PPARA: variants seen among roughly 807,000 people sequenced by gnomAD.
PPARA encodes the protein peroxisome proliferator-activated receptor alpha.
In PPARA, 22 loss-of-function variants were observed where a neutral mutation model predicts 42.2. The ratio of observed to expected loss-of-function variants is 0.52; its 90% CI spans 0.37 to 0.74. The LOEUF (loss-of-function observed/expected upper bound fraction) is 0.74. Among genes scored for constraint, PPARA ranks in the 30% least tolerant of loss-of-function variants. PPARA has a pLI of 0.00. For missense variants in PPARA, 465 were observed against 608.2 expected (o/e 0.76, Z 2.48); for synonymous variants, 242 against 239.3 (o/e 1.01, Z -0.10).
chr22:46,186,329 C>T (rs2147296651), intron 3 of PPARA, among the ~76,000 whole-genome samples: 1 of 152,208 alleles, frequency 6.6e-6, no homozygotes, highest in East Asian at 1.9e-4. Context: ...TCTGCCCTTT[C>T]TGGTTCAGCT....
intron 1 of PPARA, among the ~76,000 whole-genome samples, chr22:46,151,395 G>C (rs991481519): frequency 6.6e-6 from 1 of 152,234 alleles, no homozygotes; most frequent in African/African-American, 2.4e-5. Flanking sequence ...CCGGAGTCCC[G>C]GGCTGCGCGG....
At position 46,173,338 on chromosome 22, in the gene PPARA, A is replaced by G. The variant is rs1420721017; in HGVS notation, c.-126-3415A>G. ...GCCTTGGACACATTTCCAGTTGGCA[A>G]GCTGGCAAAATGAAGGGCGTACAAG... On this transcript the variant is annotated intron_variant, in intron 2 of 8. Coordinates refer to ENST00000407236, the MANE Select transcript of PPARA (RefSeq NM_005036.6). The surrounding 1 kb of genome is among the most constrained non-coding windows in gnomAD (Gnocchi z 4.3). 6.6e-6 allele frequency among the ~76,000 whole-genome samples: 1 copy of G among 152,222 alleles called. No individual in the cohort carries two copies. Among genetic ancestry groups the G allele is most frequent in the Non-Finnish European group, 1.5e-5 (1 of 68,042 alleles).
rs897575017 is a variant in PPARA, at chr22:46,240,813, C to G, written c.*5433C>G. On this transcript the variant is annotated 3_prime_UTR_variant, in exon 9 of 9. Transcript: ENST00000407236. This position sits in a 1 kb window ranked among gnomAD's most constrained non-coding sequence, Gnocchi z 6.0. ...GACTTGTTTAGCTGCACTGGAATTT[C>G]TTACCAACCAAATATTTGCATCGAG... The G allele has an allele frequency of 1.3e-5, 2 of 152,276 alleles. No individual in the cohort carries two copies. Among genetic ancestry groups the G allele is most frequent in the Non-Finnish European group, 2.9e-5 (2 of 68,072 alleles). 9.4% of individuals were successfully genotyped at this position (152,276 alleles called of 1,614,324 possible). A position where few individuals can be genotyped will look rare whatever the true frequency, so the allele number is the denominator to read the frequency against.
In PPARA at chr22:46,190,551, G is replaced by A. The variant is rs1200218280; in HGVS notation, c.-42-7791G>A. 1.3e-5 allele frequency among the ~76,000 whole-genome samples: 2 copies of A among 152,114 alleles called. No individual in the cohort carries two copies. The highest frequency in any genetic ancestry group is 2.9e-5 in the Non-Finnish European group (2 of 68,022). On this transcript the variant is annotated intron_variant, in intron 3 of 8. Coordinates refer to ENST00000407236, the MANE Select transcript of PPARA (RefSeq NM_005036.6). This position sits in a 1 kb window ranked among gnomAD's most constrained non-coding sequence, Gnocchi z 5.6. ...GTGGATCGCTTGAGCCCAGGAGTTC[G>A]AGACCAGGCTGGGCAACATAGTGAA...
At chr22:46,228,857 C>T (rs1367725218) in intron 7 of PPARA, among the ~76,000 whole-genome samples, 1 of 152,100 alleles carries the variant, frequency 6.6e-6, no homozygotes, top group Admixed American at 6.5e-5. Context: ...GTAATCCCAG[C>T]ACTTTGGGAG....
rs1393318745 is a variant in PPARA at position 46,185,910 on chromosome 22, A to T, written c.-43+9074A>T. On this transcript the variant is annotated intron_variant, in intron 3 of 8. Transcript: ENST00000407236. The stretch of plus-strand genomic sequence containing the variant: ...ACTCCGTCTCCAAAAAAAAAAAAAA[A>T]AAAAAAATATATATATATATATATA... Among the ~76,000 whole-genome samples the T allele has an allele frequency of 6.0e-5, 4 of 66,366 alleles. 1 individual carries two copies. The highest frequency in any genetic ancestry group is 5.2e-4 in the East Asian group (1 of 1,920). The allele number at this position is 66,366 out of a possible 152,430, so 43.5% of individuals were successfully genotyped here. A position where few individuals can be genotyped will look rare whatever the true frequency, so the allele number is the denominator to read the frequency against.
chr22:46,201,125 A>C (rs1932814013), intron 4 of PPARA, among the ~76,000 whole-genome samples: 1 of 123,552 alleles, frequency 8.1e-6, no homozygotes, highest in African/African-American at 4.0e-5. Context: ...ATTCCGTCTC[A>C]AAAAAAAAAA....
At chr22:46,210,457 T>C (rs1933818081) in intron 4 of PPARA, among the ~76,000 whole-genome samples, 1 of 152,086 alleles carries the variant, frequency 6.6e-6, no homozygotes, top group African/African-American at 2.4e-5. Flanking sequence ...TCTTTTTTTT[T>C]TTGGAGATGG....
In PPARA at chr22:46,161,785, C is replaced by G. The variant is rs987547809; in HGVS notation, c.-127+9815C>G. On this transcript the variant is annotated intron_variant, in intron 2 of 8. Transcript: ENST00000407236. The surrounding 1 kb of genome is among the most constrained non-coding windows in gnomAD (Gnocchi z 4.8). ...TTTCCGACTGTGTGTGTGCGACTTC[C>G]TCAGAGCCCTCAGTGGCGTTCCCTT... 3.3e-5 allele frequency among the ~76,000 whole-genome samples: 5 copies of G among 152,148 alleles called. No homozygotes were observed. Among genetic ancestry groups the G allele is most frequent in the African/African-American group, 1.2e-4 (5 of 41,432 alleles).
At chr22:46,172,922 T>C (rs916506785) in intron 2 of PPARA, among the ~76,000 whole-genome samples, 2 of 152,216 alleles carry the variant, frequency 1.3e-5, no homozygotes, top group African/African-American at 4.8e-5. Context: ...TGGGGTCTTA[T>C]GAATAAACCC....
At chr22:46,215,832 G>A (rs182162002) in intron 5 of PPARA, among the ~76,000 whole-genome samples, 23 of 152,246 alleles carry the variant, frequency 1.5e-4, no homozygotes, top group East Asian at 1.2e-3. Context: ...CCCTGAGAGC[G>A]TAAGCCCTGT....
chr22:46,194,665 A>G (rs1374818923), intron 3 of PPARA, among the ~76,000 whole-genome samples: 1 of 143,632 alleles, frequency 7.0e-6, no homozygotes, highest in Non-Finnish European at 1.5e-5. Flanking sequence ...TCTACCTCCC[A>G]GGTTCAAGCG....
chr22:46,243,180 A>T lies in PPARA; in HGVS notation c.*7800A>T, dbSNP rs1025341903. 2.0e-5 allele frequency: 3 copies of T among 152,244 alleles called. No individual in the cohort carries two copies. The highest frequency in any genetic ancestry group is 2.9e-5 in the Non-Finnish European group (2 of 68,030). The allele number at this position is 152,244 out of a possible 1,614,324, so 9.4% of individuals were successfully genotyped here. ...AAACTTCTTGGTGCATATTGGTTAC[A>T]CCCTCTGGGATTCATAATGCCATTA... On this transcript the variant is annotated 3_prime_UTR_variant, in exon 9 of 9. Coordinates refer to ENST00000407236, the MANE Select transcript of PPARA (RefSeq NM_005036.6). The surrounding 1 kb of genome is among the most constrained non-coding windows in gnomAD (Gnocchi z 5.0).
Position 46,231,901 on chromosome 22 carries a change from A to T in PPARA, c.821A>T (p.His274Leu). ...AAGGAGGCGGAGGTCCGCATCTTTCACTGCTGCCAGTGCACGTCAGTGGAG... is the reference window on the plus strand; with the variant it reads ...AAGGAGGCGGAGGTCCGCATCTTTCTCTGCTGCCAGTGCACGTCAGTGGAG... The part of the protein sequence containing the change: ...QNKEAEVRIF[H>L]CCQCTSVETV... Residue 274 changes from histidine (H) to leucine (L), a missense_variant, in exon 8 of 9, where the codon CAC becomes CTC. Transcript: ENST00000407236. The surrounding 1 kb of genome is among the most constrained non-coding windows in gnomAD (Gnocchi z 7.7). 1 of 1,614,160 alleles carries T rather than the reference A, an allele frequency of 6.2e-7. No individual in the cohort carries two copies. Among genetic ancestry groups the T allele is most frequent in the Non-Finnish European group, 8.5e-7 (1 of 1,179,990 alleles).
At chr22:46,215,421 G>C in intron 5 of PPARA, 88 bp downstream of exon 5, 1 of 1,553,228 alleles carries the variant, frequency 6.4e-7, no homozygotes, top group Non-Finnish European at 8.8e-7. Context: ...ATTACTGAGA[G>C]ATTGCAGAAA....
At chr22:46,170,112 GT>G (rs201147764) in intron 2 of PPARA, among the ~76,000 whole-genome samples, 32 of 142,818 alleles carry the variant, frequency 2.2e-4, no homozygotes, top group African/African-American at 2.6e-4. Flanking sequence ...ATTCATCTTT[GT>G]TTTTTTTTTT....
At chr22:46,218,951 C>T (rs1934762110) in intron 6 of PPARA, among the ~76,000 whole-genome samples, 1 of 151,932 alleles carries the variant, frequency 6.6e-6, no homozygotes, top group South Asian at 2.1e-4. Context: ...CACTTGAGGT[C>T]AGGAGTTTGA....
At chr22:46,169,137 C>T (rs1483596555) in intron 2 of PPARA, among the ~76,000 whole-genome samples, 1 of 151,898 alleles carries the variant, frequency 6.6e-6, no homozygotes, top group African/African-American at 2.4e-5. Context: ...TTTGTCAATA[C>T]CCATAAAATG....
At position 46,232,265 on chromosome 22, in the gene PPARA, TATC is replaced by T; in HGVS notation, c.1159+29_1159+31del. 1 of 1,609,564 alleles carries T rather than the reference TATC, an allele frequency of 6.2e-7. No homozygotes were observed. The highest frequency in any genetic ancestry group is 8.5e-7 in the Non-Finnish European group (1 of 1,175,928). ...GTGAGTGGTTGATTTAATCTGCTGGTATCATGTCACTGACAGGCTCCTGTCTTG... is the reference window on the plus strand; with the variant it reads ...GTGAGTGGTTGATTTAATCTGCTGGTATGTCACTGACAGGCTCCTGTCTTG... On this transcript the variant is annotated intron_variant, in intron 8 of 8. Coordinates refer to ENST00000407236, the MANE Select transcript of PPARA (RefSeq NM_005036.6). The surrounding 1 kb of genome is among the most constrained non-coding windows in gnomAD (Gnocchi z 5.3).
Sources: allele counts gnomAD v4.1 joint callset (sites outside exome capture counted in the v4.1 genomes callset), GRCh38; gene constraint gnomAD v4.1.1; non-coding constraint Gnocchi (gnomAD v3.1); transcripts MANE v1.5; gene names NCBI Gene and HGNC (gene_info 2026-07-23, HGNC 2026-07-21).